ARMC1: variants seen among roughly 807,000 people sequenced by gnomAD.
The protein encoded by ARMC1 is armadillo repeat containing 1, also known as armadillo repeat-containing protein 1.
In ARMC1, 16 loss-of-function variants were observed where a neutral mutation model predicts 31.4. The ratio of observed to expected loss-of-function variants is 0.51; its 90% CI spans 0.34 to 0.77. The LOEUF is 0.77. Among genes scored for constraint, ARMC1 ranks in the 30% least tolerant of loss-of-function variants. The pLI is 0.01. For missense variants in ARMC1, 259 were observed against 347.5 expected (o/e 0.75, Z 2.02); for synonymous variants, 114 against 118.9 (o/e 0.96, Z 0.27).
chr8:65,629,370 G>A (rs1808585998), intron 1 of ARMC1, among the ~76,000 whole-genome samples: 1 of 152,182 alleles, frequency 6.6e-6, no homozygotes, highest in Non-Finnish European at 1.5e-5. Context: ...GAACTCAGCA[G>A]CAGAGAACAG....
At chr8:65,606,249 T>A (rs1408843408) in intron 4 of ARMC1, among the ~76,000 whole-genome samples, 2 of 151,362 alleles carry the variant, frequency 1.3e-5, no homozygotes, top group Non-Finnish European at 2.9e-5. Context: ...TAGTCCCAGC[T>A]GCTCGGGAGG....
chr8:65,608,441 A>C (rs1808050566), intron 4 of ARMC1, among the ~76,000 whole-genome samples: 1 of 151,986 alleles, frequency 6.6e-6, no homozygotes, highest in Non-Finnish European at 1.5e-5. Flanking sequence ...AGGCACGAGA[A>C]TTACTTGAAC....
At chr8:65,605,630 A>G in intron 4 of ARMC1, 92 bp from the exon 5 acceptor site, 2 of 861,970 alleles carry the variant, frequency 2.3e-6, no homozygotes, top group Non-Finnish European at 3.8e-6. Flanking sequence ...GGGGGAAGAG[A>G]GCAAATGACC....
At chr8:65,613,639 A>C (rs1023618020) in intron 3 of ARMC1, among the ~76,000 whole-genome samples, 5 of 152,238 alleles carry the variant, frequency 3.3e-5, no homozygotes, top group Non-Finnish European at 5.9e-5. Context: ...CCCGTGGCTC[A>C]TTGAGATTCA....
In ARMC1 at chr8:65,604,274, G is replaced by T; in HGVS notation, c.*120C>A. 2.3e-6 allele frequency: 2 copies of T among 885,104 alleles called. No homozygotes were observed. The highest frequency in any genetic ancestry group is 3.4e-6 in the Non-Finnish European group (2 of 580,974). 54.8% of individuals were successfully genotyped at this position (885,104 alleles called of 1,614,324 possible). A position where few individuals can be genotyped will look rare whatever the true frequency, so the allele number is the denominator to read the frequency against. On this transcript the variant is annotated 3_prime_UTR_variant, in exon 7 of 7. Transcript: ENST00000276569. ...ATAAAACGTGAAATGCAGCATATGC[G>T]ATCGTGTAATCTAAAAACTTTTCAT...
chr8:65,614,535 A>G (rs1275166786), intron 3 of ARMC1, among the ~76,000 whole-genome samples: 1 of 152,236 alleles, frequency 6.6e-6, no homozygotes, highest in Admixed American at 6.5e-5. Context: ...GAGTAAGTAC[A>G]TGTAACTGTA....
rs147213869 is a variant in ARMC1 at position 65,620,652 on chromosome 8, G to A, written c.275+1611C>T. On this transcript the variant is annotated intron_variant, in intron 3 of 6. Transcript: ENST00000276569. ...TGCTATTGATTACCATACTAGACCC[G>A]TTTCAGAAAAAAAAGGAAGATGCTT... 2.4e-4 allele frequency among the ~76,000 whole-genome samples: 36 copies of A among 151,386 alleles called. No homozygotes were observed. The East Asian group carries it at 6.4e-3, about 27-fold the overall frequency.
At chr8:65,614,417 T>C (rs146778291) in intron 3 of ARMC1, among the ~76,000 whole-genome samples, 9 of 152,172 alleles carry the variant, frequency 5.9e-5, no homozygotes, top group African/African-American at 2.2e-4. Flanking sequence ...CTAGTGCAAC[T>C]AAAAAAAATT....
intron 3 of ARMC1, among the ~76,000 whole-genome samples, chr8:65,619,026 G>C (rs552001914): frequency 3.3e-4 from 50 of 152,238 alleles, no homozygotes; most frequent in African/African-American, 1.1e-3. Context: ...CTGGGCTACA[G>C]AGCGAGACTC....
rs77571043 is a variant in ARMC1 at position 65,627,444 on chromosome 8, G to A, written c.-35-11C>T. ...ATAAAATCTTAAATTCTGTAGAAAA[G>A]GTTTGCAGAATTAGTTCTAGGCTGC... On this transcript the variant is annotated splice_polypyrimidine_tract_variant and intron_variant, in intron 1 of 6. Transcript: ENST00000276569. 2.7e-3 allele frequency: 3,972 copies of A among 1,467,522 alleles called. 100 individuals carry two copies. In the African/African-American group the frequency reaches 0.05, roughly 18 times the overall value. 90.9% of individuals were successfully genotyped at this position (1,467,522 alleles called of 1,614,324 possible).
intron 3 of ARMC1, among the ~76,000 whole-genome samples, chr8:65,617,015 C>G (rs1444240381): frequency 6.6e-6 from 1 of 150,886 alleles, no homozygotes; most frequent in African/African-American, 2.4e-5. Flanking sequence ...GGGCAGCCCC[C>G]GCCCGGCCAG....
rs1362061253 is a variant in ARMC1 at position 65,634,021 on chromosome 8, G to C, written c.-59C>G. 1 of 152,420 alleles carries C rather than the reference G, an allele frequency of 6.6e-6. No homozygotes were observed. Among genetic ancestry groups the C allele is most frequent in the African/African-American group, 2.4e-5 (1 of 41,482 alleles). The allele number at this position is 152,420 out of a possible 1,614,324, so 9.4% of individuals were successfully genotyped here. A position where few individuals can be genotyped will look rare whatever the true frequency, so the allele number is the denominator to read the frequency against. On this transcript the variant is annotated 5_prime_UTR_variant, in exon 1 of 7. Coordinates refer to ENST00000276569, the MANE Select transcript of ARMC1 (RefSeq NM_018120.6). ...ACCGCTCCAGAGCTTTAGGAGTCCA[G>C]AGCCTGCCACACCATCAGGGCCACA...
intron 3 of ARMC1, among the ~76,000 whole-genome samples, chr8:65,616,673 C>T (rs1369411303): frequency 4.0e-5 from 6 of 151,818 alleles, no homozygotes; most frequent in Non-Finnish European, 7.4e-5. Flanking sequence ...GCCGCCATCA[C>T]GTCTAGGAAG....
rs777184122 is a variant in ARMC1 at position 65,605,403 on chromosome 8, A to G, written c.582+19T>C. 1 of 1,612,874 alleles carries G rather than the reference A, an allele frequency of 6.2e-7. No individual in the cohort carries two copies. The highest frequency in any genetic ancestry group is 8.5e-7 in the Non-Finnish European group (1 of 1,178,912). ...TTTACCTGTAATCTCAAGCATATTC[A>G]GTCTTTTAAAATACTTACCTCAGCT... On this transcript the variant is annotated intron_variant, in intron 5 of 6. Transcript: ENST00000276569.
chr8:65,624,134 C>CA (rs1370336722), intron 2 of ARMC1, among the ~76,000 whole-genome samples: 1 of 150,978 alleles, frequency 6.6e-6, no homozygotes, highest in East Asian at 1.9e-4. Context: ...AAACAAAACC[C>CA]AAAAAAACAA....
intron 3 of ARMC1, among the ~76,000 whole-genome samples, chr8:65,621,939 G>C (rs1808401843): frequency 6.6e-6 from 1 of 151,508 alleles, no homozygotes; most frequent in Middle Eastern, 3.4e-3. Context: ...ACCTAAAATT[G>C]AAATTTTTTT....
intron 4 of ARMC1, among the ~76,000 whole-genome samples, chr8:65,607,214 G>A: frequency 6.6e-6 from 1 of 152,232 alleles, no homozygotes; most frequent in Non-Finnish European, 1.5e-5. Context: ...ACTGTGTCTG[G>A]ACCCTGCTCT....
chr8:65,604,607 G>A, intron 6 of ARMC1, 22 bp from the exon 7 acceptor site: 2 of 1,603,186 alleles, frequency 1.2e-6, no homozygotes, highest in South Asian at 2.2e-5. Context: ...AATATTGAGA[G>A]TTATTACAAA....
chr8:65,618,203 G>A (rs920034329), intron 3 of ARMC1, among the ~76,000 whole-genome samples: 20 of 150,872 alleles, frequency 1.3e-4, no homozygotes, highest in South Asian at 2.2e-4. Flanking sequence ...CATGAGCCAC[G>A]GCACCCAGCC....
Sources: allele counts gnomAD v4.1 joint callset (sites outside exome capture counted in the v4.1 genomes callset), GRCh38; gene constraint gnomAD v4.1.1; transcripts MANE v1.5; gene names NCBI Gene and HGNC (gene_info 2026-07-23, HGNC 2026-07-21).